Variants in CA10 observed in about 807,000 individuals in gnomAD.
CA10 encodes carbonic anhydrase-related protein 10.
Under a neutral mutation model 44.2 loss-of-function variants are expected in CA10, and 14 were observed. That is an observed-to-expected ratio of 0.32 (90% confidence interval 0.21 to 0.50). The LOEUF is 0.50. Ranked by LOEUF, CA10 falls within the 20% of genes least tolerant of loss-of-function variation. The pLI, the probability that CA10 is intolerant of heterozygous loss-of-function variation, is 0.99. For synonymous variants in CA10, 159 were observed against 141.6 expected, an observed-to-expected ratio of 1.12 and a Z score of -0.87; for missense variants, 350 against 409.7, an observed-to-expected ratio of 0.85 and a Z score of 1.26.
At chr17:51,707,113 C>A (rs1419269502) in intron 4 of CA10, among the ~76,000 whole-genome samples, 1 of 152,114 alleles carries the variant, frequency 6.6e-6, no homozygotes, top group African/African-American at 2.4e-5. Flanking sequence ...TTCCTCGGTG[C>A]CTAGATTCTC....
chr17:51,786,212 G>C (rs1402873414), intron 3 of CA10, among the ~76,000 whole-genome samples: 1 of 108,926 alleles, frequency 9.2e-6, no homozygotes, highest in Non-Finnish European at 2.0e-5. Context: ...ATCTTTGTGT[G>C]TCTGTGTGTG....
chr17:52,012,837 A>G (rs1330052921), intron 2 of CA10, among the ~76,000 whole-genome samples: 2 of 149,672 alleles, frequency 1.3e-5, no homozygotes, highest in East Asian at 2.0e-4. Flanking sequence ...AAAAAAAAAA[A>G]TGTCCTATTT....
chr17:51,650,717 G>T (rs138622058), intron 5 of CA10, among the ~76,000 whole-genome samples: 1 of 152,184 alleles, frequency 6.6e-6, no homozygotes, highest in East Asian at 1.9e-4. Context: ...ATATATTGTC[G>T]TGGCAGGTAA....
intron 1 of CA10, among the ~76,000 whole-genome samples, chr17:52,108,819 C>T (rs983833430): frequency 3.3e-5 from 5 of 151,376 alleles, no homozygotes; most frequent in African/African-American, 1.2e-4. Flanking sequence ...GTATACTGCT[C>T]AGTGATGGGT....
At chr17:52,007,090 C>G (rs1985625796) in intron 2 of CA10, among the ~76,000 whole-genome samples, 1 of 151,634 alleles carries the variant, frequency 6.6e-6, no homozygotes, top group South Asian at 2.1e-4. Context: ...AAAACACTCT[C>G]AAGTTTTTAT....
chr17:51,696,293 A>G (rs552676470), intron 4 of CA10, among the ~76,000 whole-genome samples: 34 of 152,104 alleles, frequency 2.2e-4, no homozygotes, highest in African/African-American at 7.9e-4. Context: ...AATCCACCTG[A>G]TTTGGCCTTT....
intron 1 of CA10, among the ~76,000 whole-genome samples, chr17:52,131,347 G>A (rs2143349036): frequency 6.6e-6 from 1 of 152,278 alleles, no homozygotes; most frequent in African/African-American, 2.4e-5. Context: ...TTAAAAACAT[G>A]AAATTTATAT....
intron 2 of CA10, among the ~76,000 whole-genome samples, chr17:52,033,824 G>A (rs1986538849): frequency 6.6e-6 from 1 of 152,094 alleles, no homozygotes; most frequent in Admixed American, 6.6e-5. Context: ...ATACAATAGG[G>A]TTTGCACTCC....
chr17:51,648,662 T>C (rs1279006918), intron 6 of CA10, among the ~76,000 whole-genome samples: 1 of 152,116 alleles, frequency 6.6e-6, no homozygotes, highest in Non-Finnish European at 1.5e-5. Context: ...TAAAACACTC[T>C]GGAAACCCAA....
intron 3 of CA10, among the ~76,000 whole-genome samples, chr17:51,925,035 C>T (rs1982369620): frequency 6.6e-6 from 1 of 152,086 alleles, no homozygotes; most frequent in African/African-American, 2.4e-5. Flanking sequence ...AGCTTCTTCT[C>T]TTTTTTGCTT....
chr17:51,839,615 C>T (rs1162101258), intron 3 of CA10, among the ~76,000 whole-genome samples: 1 of 150,028 alleles, frequency 6.7e-6, no homozygotes, highest in East Asian at 2.0e-4. Context: ...GGTAAGTACT[C>T]ATTCTGCTCC....
intron 3 of CA10, among the ~76,000 whole-genome samples, chr17:51,847,849 C>G (rs2143816222): frequency 6.6e-6 from 1 of 152,274 alleles, no homozygotes; most frequent in South Asian, 2.1e-4. Flanking sequence ...GGAGTGTGTC[C>G]TGAGACTTGT....
At chr17:51,840,476 AATACAC>A (rs1736597195) in intron 3 of CA10, among the ~76,000 whole-genome samples, 1 of 99,956 alleles carries the variant, frequency 1.0e-5, no homozygotes, top group Admixed American at 1.3e-4. Flanking sequence ...CCCAACCTTT[AATACAC>A]ACACACACAC....
At chr17:51,683,181 T>C (rs1040948580) in intron 4 of CA10, among the ~76,000 whole-genome samples, 3 of 152,222 alleles carry the variant, frequency 2.0e-5, no homozygotes, top group African/African-American at 7.2e-5. Context: ...TCATGGTGCC[T>C]CCTTAGAAAT....
chr17:52,057,105 T>A (rs1228209202), intron 2 of CA10, among the ~76,000 whole-genome samples: 1 of 152,036 alleles, frequency 6.6e-6, no homozygotes, highest in East Asian at 1.9e-4. Flanking sequence ...GTTTCCCCCA[T>A]CAAATTCTAT....
At chr17:51,771,454 T>C (rs780789156) in intron 3 of CA10, among the ~76,000 whole-genome samples, 13 of 152,186 alleles carry the variant, frequency 8.5e-5, no homozygotes, top group Non-Finnish European at 1.0e-4. Context: ...CTTCTCCCTA[T>C]TATATCACCT....
At chr17:52,085,067 G>A (rs1193532823) in intron 1 of CA10, among the ~76,000 whole-genome samples, 1 of 152,130 alleles carries the variant, frequency 6.6e-6, no homozygotes, top group African/African-American at 2.4e-5. Flanking sequence ...ACATTTATAA[G>A]ATATAAATAA....
At chr17:52,083,738 T>C in intron 1 of CA10, among the ~76,000 whole-genome samples, 1 of 152,242 alleles carries the variant, frequency 6.6e-6, no homozygotes, top group East Asian at 1.9e-4. Context: ...GCAAAAGATG[T>C]GATTTCATTC....
chr17:51,759,497 A>AT (rs869081327), intron 3 of CA10, among the ~76,000 whole-genome samples: 2 of 129,924 alleles, frequency 1.5e-5, no homozygotes, highest in East Asian at 4.4e-4. Context: ...TAATATATTT[A>AT]TTTTTTTTGG....
Sources: gnomAD v4.1 joint callset for allele counts (sites outside exome capture counted in the v4.1 genomes callset) on GRCh38, gnomAD v4.1.1 for gene constraint, MANE v1.5 for transcripts, NCBI Gene and HGNC (gene_info 2026-07-23, HGNC 2026-07-21) for gene names.